ZNF804B: variants seen among roughly 807,000 people sequenced by gnomAD.
ZNF804B encodes zinc finger protein 804B, also known as zinc finger 804B.
ZNF804B carries 80 observed loss-of-function variants against 101.4 expected under a neutral mutation model. That is an observed-to-expected ratio of 0.79 (90% CI 0.66 to 0.95). The LOEUF (loss-of-function observed/expected upper bound fraction) is 0.95, where lower values mean the gene tolerates loss of function less well. ZNF804B is among the 40% of genes least tolerant of loss of function. The pLI, the probability that ZNF804B is intolerant of heterozygous loss-of-function variation, is 0.00. For missense variants in ZNF804B, 1,673 were observed against 1,561.9 expected (o/e 1.07, Z -1.20); for synonymous variants, 622 against 558.8 (o/e 1.11, Z -1.59).
intron 1 of ZNF804B, among the ~76,000 whole-genome samples, chr7:89,033,851 CA>C (rs1395295075): frequency 2.0e-5 from 3 of 151,908 alleles, no homozygotes; most frequent in Non-Finnish European, 4.4e-5. Flanking sequence ...TTTGTATCTT[CA>C]TTTTTTTCAG....
chr7:89,093,590 A>G (rs950374339), intron 1 of ZNF804B, among the ~76,000 whole-genome samples: 6 of 152,354 alleles, frequency 3.9e-5, no homozygotes, highest in East Asian at 1.9e-4. Flanking sequence ...AAAATGTTCT[A>G]TGTGTATGTG....
At chr7:89,129,459 G>A (rs1328937977) in intron 1 of ZNF804B, among the ~76,000 whole-genome samples, 2 of 151,930 alleles carry the variant, frequency 1.3e-5, no homozygotes, top group Admixed American at 6.6e-5. Context: ...AAATAAATGT[G>A]CACTTCCCAA....
intron 1 of ZNF804B, among the ~76,000 whole-genome samples, chr7:89,146,768 G>A (rs1291786034): frequency 2.0e-5 from 3 of 152,014 alleles, no homozygotes; most frequent in African/African-American, 4.8e-5. Context: ...GTTCATGCCT[G>A]TAATCTGAGT....
At chr7:88,963,799 T>C (rs1379619397) in intron 1 of ZNF804B, among the ~76,000 whole-genome samples, 2 of 151,348 alleles carry the variant, frequency 1.3e-5, no homozygotes, top group East Asian at 3.9e-4. Context: ...AGTAACAATA[T>C]ATCAAGGACT....
At chr7:88,970,602 A>G (rs1299602435) in intron 1 of ZNF804B, among the ~76,000 whole-genome samples, 1 of 151,502 alleles carries the variant, frequency 6.6e-6, no homozygotes, top group Non-Finnish European at 1.5e-5. Context: ...TACAGAATAT[A>G]CAGGGTTGGG....
In ZNF804B at chr7:89,006,373, A is replaced by G. The variant is rs140654120; in HGVS notation, c.109-211782A>G. On this transcript the variant is annotated intron_variant, in intron 1 of 3. Coordinates refer to ENST00000333190, the MANE Select transcript of ZNF804B (RefSeq NM_181646.5). ...GAGAATTTATCAATCCATTTTTAAA[A>G]CACCTCATATTTTATCTGTTCACAA... Among the ~76,000 whole-genome samples the G allele has an allele frequency of 5.0e-3, 764 of 152,142 alleles. 3 individuals are homozygous for G. The highest frequency in any genetic ancestry group is 0.017 in the African/African-American group (704 of 41,524).
chr7:89,068,401 C>G (rs1789487056), intron 1 of ZNF804B, among the ~76,000 whole-genome samples: 1 of 151,794 alleles, frequency 6.6e-6, no homozygotes. Context: ...TCTCATAAAA[C>G]CAAATATCTG....
chr7:88,854,491 C>CCTTTCCTTTG (rs1562812811), intron 1 of ZNF804B, among the ~76,000 whole-genome samples: 10 of 76,974 alleles, frequency 1.3e-4, no homozygotes, highest in African/African-American at 6.6e-4. Context: ...CCTTTCCTTT[C>CCTTTCCTTTG]CTTTCCTTTC....
intron 1 of ZNF804B, among the ~76,000 whole-genome samples, chr7:89,213,543 G>T (rs1304115788): frequency 6.6e-6 from 1 of 152,148 alleles, no homozygotes; most frequent in Non-Finnish European, 1.5e-5. Context: ...CATTTTCCTA[G>T]TACCCATCTC....
chr7:88,867,917 A>T (rs1208852386), intron 1 of ZNF804B, among the ~76,000 whole-genome samples: 1 of 152,108 alleles, frequency 6.6e-6, no homozygotes, highest in Non-Finnish European at 1.5e-5. Context: ...CTGAAAGCAG[A>T]TTGTCTGATA....
intron 1 of ZNF804B, among the ~76,000 whole-genome samples, chr7:89,198,627 T>C (rs1337047652): frequency 1.3e-5 from 2 of 152,014 alleles, no homozygotes; most frequent in Non-Finnish European, 2.9e-5. Context: ...TGATTAAACA[T>C]TATTTATTGT....
At chr7:89,259,865 A>G (rs1347447614) in intron 2 of ZNF804B, among the ~76,000 whole-genome samples, 1 of 152,144 alleles carries the variant, frequency 6.6e-6, no homozygotes, top group Non-Finnish European at 1.5e-5. Flanking sequence ...CTGTAATCCC[A>G]GCTACTCGGG....
intron 2 of ZNF804B, among the ~76,000 whole-genome samples, chr7:89,235,256 C>T (rs1426444912): frequency 6.6e-6 from 1 of 152,126 alleles, no homozygotes; most frequent in East Asian, 1.9e-4. Flanking sequence ...ATAGAAATAT[C>T]TGAATCTTAA....
intron 1 of ZNF804B, among the ~76,000 whole-genome samples, chr7:89,163,850 T>C (rs1392566770): frequency 6.6e-6 from 1 of 151,986 alleles, no homozygotes; most frequent in Non-Finnish European, 1.5e-5. Context: ...TATTTTCCTC[T>C]TCTCTCCCTT....
intron 1 of ZNF804B, among the ~76,000 whole-genome samples, chr7:89,014,202 C>A (rs562857632): frequency 6.6e-6 from 1 of 152,250 alleles, no homozygotes; most frequent in East Asian, 1.9e-4. Flanking sequence ...TCTCTGCACC[C>A]TCACCAACAT....
At chr7:89,146,237 A>C (rs12111622) in intron 1 of ZNF804B, among the ~76,000 whole-genome samples, 39,354 of 152,046 alleles carry the variant, frequency 0.26, 5,145 homozygotes, top group Admixed American at 0.31. Flanking sequence ...AAAAGATCTT[A>C]TAGCTTAAGC....
chr7:88,874,823 C>T (rs1462589263), intron 1 of ZNF804B, among the ~76,000 whole-genome samples: 1 of 151,320 alleles, frequency 6.6e-6, no homozygotes, highest in Non-Finnish European at 1.5e-5. Flanking sequence ...TAGACATCTA[C>T]AGAACTCCCC....
intron 1 of ZNF804B, among the ~76,000 whole-genome samples, chr7:88,958,023 A>G (rs570605416): frequency 6.6e-6 from 1 of 151,440 alleles, no homozygotes; most frequent in South Asian, 2.1e-4. Context: ...TGTTAATGGC[A>G]GATTGTACCT....
chr7:89,106,572 A>G (rs1170471590), intron 1 of ZNF804B, among the ~76,000 whole-genome samples: 2 of 152,130 alleles, frequency 1.3e-5, no homozygotes, highest in Non-Finnish European at 2.9e-5. Context: ...TGATAATACT[A>G]TTACAATCTA....
Sources: allele counts gnomAD v4.1 joint callset (sites outside exome capture counted in the v4.1 genomes callset), GRCh38; gene constraint gnomAD v4.1.1; transcripts MANE v1.5; gene names NCBI Gene and HGNC (gene_info 2026-07-23, HGNC 2026-07-21).